The following MYLK variants were observed in gnomAD, a reference collection of about 807,000 sequenced individuals.
MYLK encodes myosin light chain kinase, also known as myosin light chain kinase, smooth muscle.
A neutral mutation model predicts 203.4 loss-of-function variants in MYLK; 106 were observed. The observed-to-expected ratio is 0.52, with a 90% CI of 0.45 to 0.61. MYLK has a LOEUF of 0.61. Among genes scored for constraint, MYLK ranks in the 20% least tolerant of loss-of-function variants. MYLK has a pLI of 0.00. For synonymous variants in MYLK, 867 were observed against 959.5 expected, an observed-to-expected ratio of 0.90 and a Z score of 1.78; for missense variants, 2,072 against 2,442.3, an observed-to-expected ratio of 0.85 and a Z score of 3.20.
intron 2 of MYLK, among the ~76,000 whole-genome samples, chr3:123,852,598 T>C (rs1325376105): frequency 6.6e-6 from 1 of 152,088 alleles, no homozygotes; most frequent in Admixed American, 6.6e-5. Flanking sequence ...TTTTTTATTG[T>C]GTCTATTTGA....
intron 2 of MYLK, among the ~76,000 whole-genome samples, chr3:123,859,452 A>T (rs1485524650): frequency 1.3e-5 from 2 of 152,254 alleles, no homozygotes; most frequent in Non-Finnish European, 2.9e-5. Flanking sequence ...TCCTGATTAC[A>T]TCTGACTCCA....
intron 29 of MYLK, among the ~76,000 whole-genome samples, chr3:123,630,076 C>T (rs573026955): frequency 6.6e-6 from 1 of 152,146 alleles, no homozygotes; most frequent in South Asian, 2.1e-4. Flanking sequence ...TCTCCACACA[C>T]CTTCAGCTCC....
At chr3:123,857,351 T>C (rs1009443517) in intron 2 of MYLK, among the ~76,000 whole-genome samples, 1 of 151,988 alleles carries the variant, frequency 6.6e-6, no homozygotes, top group African/African-American at 2.4e-5. Context: ...TGCACACGTA[T>C]GTTTATTGCG....
At chr3:123,803,801 A>C (rs1323658013) in intron 3 of MYLK, among the ~76,000 whole-genome samples, 1 of 152,224 alleles carries the variant, frequency 6.6e-6, no homozygotes, top group Non-Finnish European at 1.5e-5. Context: ...GGCACAGGCT[A>C]GGAAGACTCT....
intron 3 of MYLK, among the ~76,000 whole-genome samples, chr3:123,813,388 T>A (rs932241744): frequency 6.6e-6 from 1 of 152,208 alleles, no homozygotes; most frequent in Non-Finnish European, 1.5e-5. Context: ...AGCTTGGGAA[T>A]AATTACCTTG....
At chr3:123,650,484 T>A (rs2059174041) in intron 24 of MYLK, among the ~76,000 whole-genome samples, 1 of 151,950 alleles carries the variant, frequency 6.6e-6, no homozygotes, top group Non-Finnish European at 1.5e-5. Context: ...GGTGTGAGTG[T>A]GAGTGTGAGT....
chr3:123,717,357 T>G (rs1352043640), intron 13 of MYLK, among the ~76,000 whole-genome samples: 1 of 152,252 alleles, frequency 6.6e-6, no homozygotes, highest in African/African-American at 2.4e-5. Context: ...TTAGAAGCTC[T>G]GCATCAAAAC....
chr3:123,619,349 G>A (rs1675209072), intron 32 of MYLK, among the ~76,000 whole-genome samples: 4 of 152,170 alleles, frequency 2.6e-5, no homozygotes, highest in Admixed American at 2.6e-4. Context: ...GCTATGTCTG[G>A]GTCATCTGAG....
At chr3:123,748,142 G>A (rs186574550) in intron 5 of MYLK, among the ~76,000 whole-genome samples, 2 of 152,218 alleles carry the variant, frequency 1.3e-5, no homozygotes, top group Admixed American at 6.5e-5. Flanking sequence ...ATGGAGGAAG[G>A]TGAAGCAGGA....
chr3:123,853,414 C>T (rs9840508), intron 2 of MYLK, among the ~76,000 whole-genome samples: 1,960 of 152,206 alleles, frequency 0.013, 45 homozygotes, highest in African/African-American at 0.045. Context: ...CCTTGGAGAA[C>T]AACAAACTGG....
intron 2 of MYLK, 144 bp downstream of exon 2, chr3:123,876,415 T>C (rs1479411522): frequency 6.6e-6 from 1 of 152,204 alleles, no homozygotes; most frequent in Non-Finnish European, 1.5e-5. Context: ...AAAATTAAGG[T>C]ATATTGTAAT....
chr3:123,764,480 G>A (rs973546921), intron 4 of MYLK, among the ~76,000 whole-genome samples: 1 of 152,184 alleles, frequency 6.6e-6, no homozygotes, highest in Non-Finnish European at 1.5e-5. Context: ...TGGAGGGTGG[G>A]TACAGCAACG....
chr3:123,726,204 T>C (rs2062278560), intron 11 of MYLK, 126 bp from the exon 12 acceptor site: 2 of 1,259,230 alleles, frequency 1.6e-6, no homozygotes, highest in African/African-American at 1.5e-5. Flanking sequence ...GCAGCCTGCC[T>C]TTGGCTTCTC....
At chr3:123,794,870 AT>A (rs1232268553) in intron 3 of MYLK, among the ~76,000 whole-genome samples, 1 of 152,164 alleles carries the variant, frequency 6.6e-6, no homozygotes, top group Non-Finnish European at 1.5e-5. Context: ...CACTTTTTAT[AT>A]TATCTCATTT....
intron 19 of MYLK, chr3:123,692,478 G>C (rs1456026440): frequency 7.2e-6 from 8 of 1,106,658 alleles, no homozygotes; most frequent in Non-Finnish European, 9.7e-6. Context: ...CTGGGTGTGG[G>C]GATCAGGACT....
intron 3 of MYLK, among the ~76,000 whole-genome samples, chr3:123,798,078 A>G (rs772520937): frequency 3.4e-4 from 52 of 152,336 alleles, no homozygotes; most frequent in Middle Eastern, 3.4e-3. Context: ...CTGTACTAGC[A>G]GCACCATTTA....
chr3:123,776,355 C>G (rs981373488), intron 4 of MYLK, among the ~76,000 whole-genome samples: 1 of 152,228 alleles, frequency 6.6e-6, no homozygotes, highest in African/African-American at 2.4e-5. Context: ...CTGAAGAAGA[C>G]AAGCCTCTTG....
At chr3:123,698,116 C>T (rs1347645089) in intron 18 of MYLK, among the ~76,000 whole-genome samples, 1 of 152,060 alleles carries the variant, frequency 6.6e-6, no homozygotes, top group Non-Finnish European at 1.5e-5. Flanking sequence ...GGGTTTAAAC[C>T]CCATGCAAGC....
intron 20 of MYLK, among the ~76,000 whole-genome samples, chr3:123,674,998 C>T (rs1315241730): frequency 6.6e-6 from 1 of 152,210 alleles, no homozygotes; most frequent in African/African-American, 2.4e-5. Context: ...CTGGCACATG[C>T]CTGATAAATG....
Sources: allele counts gnomAD v4.1 joint callset (sites outside exome capture counted in the v4.1 genomes callset), GRCh38; gene constraint gnomAD v4.1.1; transcripts MANE v1.5; gene names NCBI Gene and HGNC (gene_info 2026-07-23, HGNC 2026-07-21).